Variants in ELAVL1 observed in about 807,000 individuals in gnomAD.
ELAVL1 encodes the protein ELAV like RNA binding protein 1, also known as ELAV-like protein 1.
In ELAVL1, 1 loss-of-function variant was observed where a neutral mutation model predicts 28.4. The ratio of observed to expected loss-of-function variants is 0.04; its 90% CI spans 0.01 to 0.17. The LOEUF (loss-of-function observed/expected upper bound fraction) is 0.17. ELAVL1 is among the 10% of genes least tolerant of loss of function. The pLI, the probability that ELAVL1 is intolerant of heterozygous loss-of-function variation, is 1.00. For synonymous variants in ELAVL1, 174 were observed against 183.5 expected, an observed-to-expected ratio of 0.95 and a Z score of 0.42; for missense variants, 157 against 447.2, an observed-to-expected ratio of 0.35 and a Z score of 5.85.
intron 3 of ELAVL1, among the ~76,000 whole-genome samples, chr19:7,974,720 T>G (rs1985230293): frequency 6.6e-6 from 1 of 152,060 alleles, no homozygotes; most frequent in African/African-American, 2.4e-5. Context: ...GGGTGGGGAC[T>G]TGAACCTGTG....
rs115734751 is a variant in ELAVL1 at position 7,981,224 on chromosome 19, G to A, written c.173-38C>T. The A allele has an allele frequency of 2.2e-5, 36 of 1,605,774 alleles. No individual in the cohort carries two copies. The highest frequency in any genetic ancestry group is 1.0e-4 in the Admixed American group (6 of 59,984). The stretch of plus-strand genomic sequence containing the variant: ...ACATGAAGACATTGGTAAGCCAACC[G>A]TCTGCGAGTGAGGGACAGGGAGGTC... On this transcript the variant is annotated intron_variant, in intron 2 of 5. Transcript: ENST00000407627. The surrounding 1 kb of genome is among the most constrained non-coding windows in gnomAD (Gnocchi z 4.2).
intron 1 of ELAVL1, among the ~76,000 whole-genome samples, chr19:7,995,708 T>C (rs546728486): frequency 6.6e-6 from 1 of 152,008 alleles, no homozygotes; most frequent in South Asian, 2.1e-4. Flanking sequence ...AAACATAAAA[T>C]TTCTTGGAGA....
chr19:7,963,907 C>T lies in ELAVL1; in HGVS notation c.657-100G>A. On this transcript the variant is annotated intron_variant, in intron 5 of 5. Transcript: ENST00000407627. This position sits in a 1 kb window ranked among gnomAD's most constrained non-coding sequence, Gnocchi z 4.5. ...GCTGACCATGGCCGCTGGGCCCCAT[C>T]CCGCTCTGCGCAGCCACGAGGTGCT... is the stretch of plus-strand genomic sequence containing the variant. The T allele has an allele frequency of 7.4e-7, 1 of 1,358,536 alleles. No individual in the cohort carries two copies. Among genetic ancestry groups the T allele is most frequent in the Non-Finnish European group, 9.9e-7 (1 of 1,008,414 alleles). 84.2% of individuals were successfully genotyped at this position (1,358,536 alleles called of 1,614,324 possible). A position where few individuals can be genotyped will look rare whatever the true frequency, so the allele number is the denominator to read the frequency against.
Position 7,963,713 on chromosome 19 carries a change from G to A in ELAVL1, c.751C>T (p.Leu251=). The A allele has an allele frequency of 6.2e-7, 1 of 1,614,280 alleles. No homozygotes were observed. Among genetic ancestry groups the A allele is most frequent in the African/African-American group, 1.3e-5 (1 of 75,084 alleles). Residue 251 remains leucine (L), a synonymous_variant, in exon 6 of 6, where the codon CTG becomes TTG. Coordinates refer to ENST00000407627, the MANE Select transcript of ELAVL1 (RefSeq NM_001419.3). This position sits in a 1 kb window ranked among gnomAD's most constrained non-coding sequence, Gnocchi z 4.5. ...SSGWCIFIYN[L]GQDADEGILW... ...ATCCCCTCGTCGGCATCCTGCCCCA[G>A]GTTGTAGATGAAAATGCACCAGCCG...
chr19:7,965,640 C>T (rs1037358802), intron 5 of ELAVL1, among the ~76,000 whole-genome samples: 3 of 152,116 alleles, frequency 2.0e-5, no homozygotes, highest in Non-Finnish European at 2.9e-5. Flanking sequence ...TAGTGGTTGC[C>T]CTGCCACTCA....
chr19:8,005,208 G>A (rs1015909105), intron 1 of ELAVL1, among the ~76,000 whole-genome samples: 1 of 151,832 alleles, frequency 6.6e-6, no homozygotes, highest in Non-Finnish European at 1.5e-5. Flanking sequence ...GGCGACCGGG[G>A]CCCCCGGCCG....
chr19:7,962,873 C>G lies in ELAVL1; in HGVS notation c.*610G>C, dbSNP rs1778707486. On this transcript the variant is annotated 3_prime_UTR_variant, in exon 6 of 6. Coordinates refer to ENST00000407627, the MANE Select transcript of ELAVL1 (RefSeq NM_001419.3). Reference sequence around the variant, plus strand: ...GTCCTTCTCTGGAGGGCCCGCCCAGCATGCAGCCCGTGGCCCCCGGCCCCA... The same window carrying G: ...GTCCTTCTCTGGAGGGCCCGCCCAGGATGCAGCCCGTGGCCCCCGGCCCCA... 6.5e-6 allele frequency: 1 copy of G among 152,816 alleles called. No individual in the cohort carries two copies. The highest frequency in any genetic ancestry group is 1.5e-5 in the Non-Finnish European group (1 of 68,174). The allele number at this position is 152,816 out of a possible 1,614,324, so 9.5% of individuals were successfully genotyped here.
Position 7,962,730 on chromosome 19 carries a change from G to A in ELAVL1, c.*753C>T, listed in dbSNP as rs908457318. On this transcript the variant is annotated 3_prime_UTR_variant, in exon 6 of 6. Transcript: ENST00000407627. ...GTGGACAGAAACTCGGGATGTCAGA[G>A]TAGCAACACATCTTCAGGCGTGCCT... 1 of 152,730 alleles carries A rather than the reference G, an allele frequency of 6.5e-6. No individual in the cohort carries two copies. Among genetic ancestry groups the A allele is most frequent in the African/African-American group, 2.4e-5 (1 of 41,470 alleles). The allele number at this position is 152,730 out of a possible 1,614,324, so 9.5% of individuals were successfully genotyped here.
At chr19:8,001,846 A>G (rs929311889) in intron 1 of ELAVL1, among the ~76,000 whole-genome samples, 2 of 152,112 alleles carry the variant, frequency 1.3e-5, no homozygotes, top group Non-Finnish European at 2.9e-5. Flanking sequence ...CACAGACAAA[A>G]TATCAACCAC....
intron 5 of ELAVL1, among the ~76,000 whole-genome samples, chr19:7,964,099 C>T (rs1984885238): frequency 6.6e-6 from 1 of 152,156 alleles, no homozygotes; most frequent in South Asian, 2.1e-4. Flanking sequence ...CTGCGGTTCC[C>T]CACATTTTAG....
intron 2 of ELAVL1, among the ~76,000 whole-genome samples, chr19:7,988,452 G>A (rs1342457169): frequency 6.6e-6 from 1 of 152,158 alleles, no homozygotes; most frequent in African/African-American, 2.4e-5. Flanking sequence ...TCAAAGGCTG[G>A]GGAAAGGCGC....
At chr19:7,972,979 A>C (rs928046772) in intron 4 of ELAVL1, 1 of 148,512 alleles carries the variant, frequency 6.7e-6, no homozygotes, top group African/African-American at 2.5e-5. Context: ...CACCTGGCTA[A>C]TTTTTGTATT....
intron 3 of ELAVL1, among the ~76,000 whole-genome samples, chr19:7,975,755 C>G (rs183338807): frequency 1.1e-4 from 17 of 152,272 alleles, no homozygotes; most frequent in Admixed American, 1.1e-3. Flanking sequence ...TCAGTTAAGA[C>G]GAGGTCACAC....
chr19:7,989,023 C>G (rs1027926333), intron 2 of ELAVL1, among the ~76,000 whole-genome samples: 2 of 152,044 alleles, frequency 1.3e-5, no homozygotes, highest in Non-Finnish European at 2.9e-5. Context: ...AGGGTAAACA[C>G]GGGGAAATGG....
intron 2 of ELAVL1, among the ~76,000 whole-genome samples, chr19:7,984,354 G>A (rs1018735257): frequency 1.3e-5 from 2 of 152,158 alleles, no homozygotes; most frequent in African/African-American, 2.4e-5. Context: ...AGGAGGGCCC[G>A]TCGCAGAGGA....
chr19:7,970,390 C>T (rs926349124), intron 4 of ELAVL1, among the ~76,000 whole-genome samples: 7 of 152,174 alleles, frequency 4.6e-5, no homozygotes, highest in African/African-American at 1.7e-4. Flanking sequence ...CTCTCGACCT[C>T]GTGATCCGCC....
At chr19:7,985,526 C>T (rs1985576376) in intron 2 of ELAVL1, among the ~76,000 whole-genome samples, 3 of 152,242 alleles carry the variant, frequency 2.0e-5, no homozygotes, top group South Asian at 2.1e-4. Flanking sequence ...CTTGCCAAAG[C>T]CCCTGCCTGG....
intron 4 of ELAVL1, among the ~76,000 whole-genome samples, chr19:7,970,379 C>A (rs895897612): frequency 6.6e-6 from 1 of 152,242 alleles, no homozygotes; most frequent in East Asian, 1.9e-4. Context: ...ATGGTCTCGA[C>A]CTCTCGACCT....
Position 7,981,328 on chromosome 19 carries a change from T to A in ELAVL1, c.173-142A>T. 1 of 687,540 alleles carries A rather than the reference T, an allele frequency of 1.5e-6. No individual in the cohort carries two copies. Among genetic ancestry groups the A allele is most frequent in the Non-Finnish European group, 2.5e-6 (1 of 399,928 alleles). The allele number at this position is 687,540 out of a possible 1,614,324, so 42.6% of individuals were successfully genotyped here. ...AACTTTATTTTCTTTGGCAAACACG[T>A]ACATTTTCTGCAATGAACACAGGTT... is the stretch of plus-strand genomic sequence containing the variant. On this transcript the variant is annotated intron_variant, in intron 2 of 5. Coordinates refer to ENST00000407627, the MANE Select transcript of ELAVL1 (RefSeq NM_001419.3). This position sits in a 1 kb window ranked among gnomAD's most constrained non-coding sequence, Gnocchi z 4.2.
Sources: gnomAD v4.1 joint callset for allele counts (sites outside exome capture counted in the v4.1 genomes callset) on GRCh38, gnomAD v4.1.1 for gene constraint, Gnocchi (gnomAD v3.1) non-coding constraint, MANE v1.5 for transcripts, NCBI Gene and HGNC (gene_info 2026-07-23, HGNC 2026-07-21) for gene names.